Variants in OAF observed in about 807,000 individuals in gnomAD.
OAF encodes the protein out at first protein homolog.
Under a neutral mutation model 22.5 loss-of-function variants are expected in OAF, and 13 were observed. That is an observed-to-expected ratio of 0.58 (90% CI 0.38 to 0.92). The LOEUF (loss-of-function observed/expected upper bound fraction) is 0.92. OAF is among the 40% of genes least tolerant of loss of function. The pLI is 0.00. For synonymous variants in OAF, 175 were observed against 170.5 expected (o/e 1.03, Z -0.21); for missense variants, 347 against 381.8 (o/e 0.91, Z 0.76).
At chr11:120,222,869 G>A (rs1322629160) in intron 1 of OAF, among the ~76,000 whole-genome samples, 2 of 152,158 alleles carry the variant, frequency 1.3e-5, no homozygotes, top group African/African-American at 4.8e-5. Context: ...CCGAGATCGC[G>A]CCATTGCACT....
In OAF at chr11:120,228,838, CCCTCCCTGAT is replaced by C; in HGVS notation, c.548-26_548-17del. The C allele has an allele frequency of 3.1e-6, 3 of 973,550 alleles. No individual in the cohort carries two copies. Among genetic ancestry groups the C allele is most frequent in the Admixed American group, 1.9e-5 (1 of 52,896 alleles). 60.3% of individuals were successfully genotyped at this position (973,550 alleles called of 1,614,324 possible). A position where few individuals can be genotyped will look rare whatever the true frequency, so the allele number is the denominator to read the frequency against. On this transcript the variant is annotated intron_variant, in intron 3 of 3. Coordinates refer to ENST00000328965, the MANE Select transcript of OAF (RefSeq NM_178507.4). Reference sequence around the variant, plus strand: ...GAGCTCCTTCCCTCCCTCCCTCCCTCCCTCCCTGATCCTTGCCTCTCTCCCCCAGGTGTGG... The same window carrying C: ...GAGCTCCTTCCCTCCCTCCCTCCCTCCCTTGCCTCTCTCCCCCAGGTGTGG...
intron 2 of OAF, 141 bp from the exon 3 acceptor site, chr11:120,226,675 A>C: frequency 1.5e-6 from 1 of 658,206 alleles, no homozygotes; most frequent in Non-Finnish European, 2.6e-6. Flanking sequence ...CCAGTTGGAG[A>C]GGGGTGGGGC....
chr11:120,211,294 G>C lies in OAF; in HGVS notation c.15G>C (p.Gly5=). Residue 5 remains glycine, a synonymous_variant, in exon 1 of 4, where the codon GGG becomes GGC. Transcript: ENST00000328965. ...GGCCCCCGGGGATGCGCCTTCCCGG[G>C]GTACCCCTGGCGCGCCCTGCGCTGC... MRLP[G]VPLARPALLL... The C allele has an allele frequency of 7.9e-7, 1 of 1,267,096 alleles. No individual in the cohort carries two copies. The highest frequency in any genetic ancestry group is 9.9e-7 in the Non-Finnish European group (1 of 1,007,032). 78.5% of individuals were successfully genotyped at this position (1,267,096 alleles called of 1,614,324 possible).
intron 3 of OAF, among the ~76,000 whole-genome samples, chr11:120,228,233 C>T (rs1408739353): frequency 4.6e-5 from 7 of 152,026 alleles, no homozygotes; most frequent in African/African-American, 7.2e-5. Flanking sequence ...TATAGGTGCC[C>T]GCCACTGTGC....
At chr11:120,217,765 C>G (rs981311947) in intron 1 of OAF, among the ~76,000 whole-genome samples, 1 of 152,140 alleles carries the variant, frequency 6.6e-6, no homozygotes, top group Non-Finnish European at 1.5e-5. Flanking sequence ...ACTAAGAGGC[C>G]CTTCGCAGAA....
At position 120,229,376 on chromosome 11, in the gene OAF, G is replaced by C; in HGVS notation, c.*234G>C. 10 of 543,896 alleles carry C rather than the reference G, an allele frequency of 1.8e-5. No homozygotes were observed. Among genetic ancestry groups the C allele is most frequent in the Non-Finnish European group, 3.0e-5 (9 of 300,486 alleles). The allele number at this position is 543,896 out of a possible 1,614,324, so 33.7% of individuals were successfully genotyped here. A position where few individuals can be genotyped will look rare whatever the true frequency, so the allele number is the denominator to read the frequency against. The stretch of plus-strand genomic sequence containing the variant: ...TGTGCCTTCCTTGCGGGCAGAGAGG[G>C]AGAGAAGGGCTCCCCAGATCTACAC... On this transcript the variant is annotated 3_prime_UTR_variant, in exon 4 of 4. Coordinates refer to ENST00000328965, the MANE Select transcript of OAF (RefSeq NM_178507.4).
Position 120,228,848 on chromosome 11 carries a change from T to A in OAF, c.548-20T>A. ...CCTCCCTCCCTCCCTCCCTCCCTGATCCTTGCCTCTCTCCCCCAGGTGTGG... is the reference window on the plus strand; with the variant it reads ...CCTCCCTCCCTCCCTCCCTCCCTGAACCTTGCCTCTCTCCCCCAGGTGTGG... On this transcript the variant is annotated intron_variant, in intron 3 of 3. Coordinates refer to ENST00000328965, the MANE Select transcript of OAF (RefSeq NM_178507.4). The A allele has an allele frequency of 1.9e-6, 1 of 525,866 alleles. No homozygotes were observed. The highest frequency in any genetic ancestry group is 3.3e-6 in the Non-Finnish European group (1 of 301,812). 32.6% of individuals were successfully genotyped at this position (525,866 alleles called of 1,614,324 possible). A position where few individuals can be genotyped will look rare whatever the true frequency, so the allele number is the denominator to read the frequency against.
chr11:120,226,784 C>A, intron 2 of OAF, 32 bp from the exon 3 acceptor site: 5 of 1,550,570 alleles, frequency 3.2e-6, no homozygotes, highest in Non-Finnish European at 4.4e-6. Flanking sequence ...CATTCTGAAG[C>A]CAGGTAGGAG....
At chr11:120,213,123 C>T (rs1938172574) in intron 1 of OAF, among the ~76,000 whole-genome samples, 1 of 152,018 alleles carries the variant, frequency 6.6e-6, no homozygotes, top group African/African-American at 2.4e-5. Context: ...GAGAGACTTC[C>T]CTGGCTGTGG....
intron 1 of OAF, among the ~76,000 whole-genome samples, chr11:120,220,015 G>T (rs1395527409): frequency 6.6e-6 from 1 of 152,218 alleles, no homozygotes; most frequent in Non-Finnish European, 1.5e-5. Context: ...AGACCCCAGG[G>T]TCACCATGTG....
In OAF at chr11:120,229,427, G is replaced by GCT; in HGVS notation, c.*285_*286insCT. ...CCCTCCCTCCTGCATCTCCCCTGGA[G>GCT]TGTTCACTTGCAAGCTGCCAAAACA... is the stretch of plus-strand genomic sequence containing the variant. On this transcript the variant is annotated 3_prime_UTR_variant, in exon 4 of 4. Transcript: ENST00000328965. 31 of 397,680 alleles carry GCT rather than the reference G, an allele frequency of 7.8e-5. No homozygotes were observed. The highest frequency in any genetic ancestry group is 7.8e-4 in the South Asian group (24 of 30,868). The allele number at this position is 397,680 out of a possible 1,614,324, so 24.6% of individuals were successfully genotyped here.
At chr11:120,211,824 T>C (rs554332781) in intron 1 of OAF, among the ~76,000 whole-genome samples, 74 of 152,198 alleles carry the variant, frequency 4.9e-4, no homozygotes, top group Non-Finnish European at 9.0e-4. Context: ...TGTGCTCTAG[T>C]GGGAAAGTCC....
rs1455031929 is a variant in OAF at position 120,229,341 on chromosome 11, A to G, written c.*199A>G. 3 of 586,496 alleles carry G rather than the reference A, an allele frequency of 5.1e-6. No individual in the cohort carries two copies. The highest frequency in any genetic ancestry group is 2.0e-5 in the South Asian group (1 of 49,630). 36.3% of individuals were successfully genotyped at this position (586,496 alleles called of 1,614,324 possible). A position where few individuals can be genotyped will look rare whatever the true frequency, so the allele number is the denominator to read the frequency against. ...CAGGGGGTCTCATGAAGGCACCCCC[A>G]TTCCCACCCTGTGCCTTCCTTGCGG... is the stretch of plus-strand genomic sequence containing the variant. On this transcript the variant is annotated 3_prime_UTR_variant, in exon 4 of 4. Transcript: ENST00000328965.
In OAF at chr11:120,229,389, C is replaced by CAT; in HGVS notation, c.*247_*248insAT. On this transcript the variant is annotated 3_prime_UTR_variant, in exon 4 of 4. Coordinates refer to ENST00000328965, the MANE Select transcript of OAF (RefSeq NM_178507.4). ...CGGGCAGAGAGGGAGAGAAGGGCTCCCCAGATCTACACCCCTCCCTCCTGC... is the reference window on the plus strand; with the variant it reads ...CGGGCAGAGAGGGAGAGAAGGGCTCCATCCAGATCTACACCCCTCCCTCCTGC... 4.0e-6 allele frequency: 2 copies of CAT among 501,588 alleles called. No homozygotes were observed. The highest frequency in any genetic ancestry group is 2.1e-5 in the South Asian group (1 of 46,806). The allele number at this position is 501,588 out of a possible 1,614,324, so 31.1% of individuals were successfully genotyped here.
At chr11:120,222,672 G>T (rs919333716) in intron 1 of OAF, among the ~76,000 whole-genome samples, 1 of 152,190 alleles carries the variant, frequency 6.6e-6, no homozygotes, top group Non-Finnish European at 1.5e-5. Context: ...CCAACACTTT[G>T]GGAGGCCGAG....
At chr11:120,226,538 A>G (rs1167695749) in intron 2 of OAF, among the ~76,000 whole-genome samples, 1 of 152,180 alleles carries the variant, frequency 6.6e-6, no homozygotes, top group East Asian at 1.9e-4. Flanking sequence ...TCCACCTCCC[A>G]TCCACACCTC....
intron 2 of OAF, 33 bp from the exon 3 acceptor site, chr11:120,226,783 G>A: frequency 6.4e-7 from 1 of 1,552,912 alleles, no homozygotes; most frequent in Non-Finnish European, 8.8e-7. Flanking sequence ...GCATTCTGAA[G>A]CCAGGTAGGA....
At chr11:120,213,871 T>G (rs1565340612) in intron 1 of OAF, 1 of 152,098 alleles carries the variant, frequency 6.6e-6, no homozygotes, top group Non-Finnish European at 1.5e-5. Flanking sequence ...ACCAGGAATA[T>G]GAAATCTTCA....
At chr11:120,211,823 G>T (rs1476717400) in intron 1 of OAF, among the ~76,000 whole-genome samples, 1 of 152,182 alleles carries the variant, frequency 6.6e-6, no homozygotes, top group African/African-American at 2.4e-5. Flanking sequence ...CTGTGCTCTA[G>T]TGGGAAAGTC....
Sources: gnomAD v4.1 joint callset for allele counts (sites outside exome capture counted in the v4.1 genomes callset) on GRCh38, gnomAD v4.1.1 for gene constraint, MANE v1.5 for transcripts, NCBI Gene and HGNC (gene_info 2026-07-23, HGNC 2026-07-21) for gene names.